CCHCR1: variants seen among roughly 807,000 people sequenced by gnomAD.
The protein encoded by CCHCR1 is coiled-coil alpha-helical rod protein 1.
A neutral mutation model predicts 114.6 loss-of-function variants in CCHCR1; 91 were observed. The ratio of observed to expected loss-of-function variants is 0.79; its 90% CI spans 0.67 to 0.94. The LOEUF is 0.94. Ranked by LOEUF, CCHCR1 falls within the 40% of genes least tolerant of loss-of-function variation. The pLI is 0.00. For synonymous variants in CCHCR1, 379 were observed against 428.5 expected, an observed-to-expected ratio of 0.88 and a Z score of 1.43; for missense variants, 899 against 1,079.9, an observed-to-expected ratio of 0.83 and a Z score of 2.35.
rs755269207 is a variant in CCHCR1, at chr6:31,144,688, G to A, written c.2166C>T (p.Ala722=). The A allele has an allele frequency of 2.5e-5, 40 of 1,599,542 alleles. No individual in the cohort carries two copies. The highest frequency in any genetic ancestry group is 1.7e-4 in the Middle Eastern group (1 of 6,010). The change falls in exon 15 of 18, where the codon GCC becomes GCT. Residue 722 remains alanine, a splice_region_variant and synonymous_variant. Transcript: ENST00000396268. The surrounding 1 kb of genome is among the most constrained non-coding windows in gnomAD (Gnocchi z 4.6). ...CCTATCCACCCTGGCAAGGCTCACC[G>A]GCCTTGGCATGCTCCCTCCGAGCCT... ...LNEARREHAK[A]VVSLRQIQRR... is the part of the protein sequence containing the mutation.
intron 8 of CCHCR1, chr6:31,149,461 A>G (rs1774886274): frequency 6.6e-6 from 1 of 152,046 alleles, no homozygotes; most frequent in Non-Finnish European, 1.5e-5. Context: ...TTTTTGAGAA[A>G]AGATCTCGCT....
intron 10 of CCHCR1, among the ~76,000 whole-genome samples, chr6:31,147,856 T>G (rs1774573621): frequency 6.6e-6 from 1 of 151,940 alleles, no homozygotes; most frequent in Admixed American, 6.6e-5. Flanking sequence ...GGAGGATGCC[T>G]GTAATCCAGC....
At chr6:31,149,815 C>A (rs928855656) in intron 8 of CCHCR1, 4 of 486,636 alleles carry the variant, frequency 8.2e-6, no homozygotes, top group Non-Finnish European at 1.1e-5. Flanking sequence ...CCAAAGTGAT[C>A]GCATTATAGG....
At position 31,145,725 on chromosome 6, in the gene CCHCR1, T is replaced by C. The variant is rs761381590; in HGVS notation, c.1664A>G (p.Tyr555Cys). 1.2e-5 allele frequency: 19 copies of C among 1,613,658 alleles called. No individual in the cohort carries two copies. Among genetic ancestry groups the C allele is most frequent in the African/African-American group, 2.7e-5 (2 of 74,922 alleles). Reference protein sequence around the residue: ...QLPSLNNRLSYAVRKVHTIRG... With the variant: ...QLPSLNNRLSCAVRKVHTIRG... ...AATGGTGTGGACCTTGCGGACAGCA[T>C]AGCTGAGTCGGTTGTTGAGGCTGGG... The change falls in exon 11 of 18, where the codon TAT (tyrosine) becomes TGT (cysteine). Residue 555 changes from tyrosine (Y) to cysteine (C), a missense_variant. Tyr to Cys is a radical substitution (Grantham distance 194). Transcript: ENST00000396268.
At position 31,144,298 on chromosome 6, in the gene CCHCR1, G is replaced by A. The variant is rs1265080; in HGVS notation, c.2167+389C>T. ...AGCCTCGACCTCCCGGGTTCATGTA[G>A]TCTTCCCACATCAGCCTCACAAGTA... On this transcript the variant is annotated intron_variant, in intron 15 of 17. Coordinates refer to ENST00000396268, the MANE Select transcript of CCHCR1 (RefSeq NM_001105564.2). This position sits in a 1 kb window ranked among gnomAD's most constrained non-coding sequence, Gnocchi z 4.6. 0.5 allele frequency among the ~76,000 whole-genome samples: 76,517 copies of A among 151,810 alleles called. 19,428 individuals are homozygous for A. Among genetic ancestry groups the A allele is most frequent in the Middle Eastern group, 0.59 (173 of 294 alleles).
chr6:31,148,754 G>C, intron 8 of CCHCR1, 26 bp from the exon 9 acceptor site: 1 of 1,391,422 alleles, frequency 7.2e-7, no homozygotes, highest in Non-Finnish European at 1.0e-6. Context: ...GAGCTAGGCA[G>C]GGCCCTCTAG....
chr6:31,153,908 G>T (rs1775624691), intron 4 of CCHCR1, among the ~76,000 whole-genome samples: 1 of 152,162 alleles, frequency 6.6e-6, no homozygotes, highest in Non-Finnish European at 1.5e-5. Flanking sequence ...ATGTCAACTG[G>T]TTACAGTGGC....
intron 4 of CCHCR1, among the ~76,000 whole-genome samples, chr6:31,153,201 T>A (rs539119438): frequency 6.6e-6 from 1 of 151,914 alleles, no homozygotes; most frequent in Admixed American, 6.6e-5. Flanking sequence ...CTTTAACTCC[T>A]GGCCTCAAGT....
At chr6:31,145,957 C>T (rs1444975513) in intron 10 of CCHCR1, 149 bp from the exon 11 acceptor site, 1 of 609,284 alleles carries the variant, frequency 1.6e-6, no homozygotes, top group Non-Finnish European at 2.9e-6. Flanking sequence ...GGACCCTTGC[C>T]CCAAGAATGC....
chr6:31,150,689 C>T lies in CCHCR1; in HGVS notation c.1101+36G>A, dbSNP rs778317290. 4.4e-6 allele frequency: 7 copies of T among 1,606,634 alleles called. No individual in the cohort carries two copies. The African/African-American group carries it at 5.3e-5, about 12-fold the overall frequency. On this transcript the variant is annotated intron_variant, in intron 6 of 17. Coordinates refer to ENST00000396268, the MANE Select transcript of CCHCR1 (RefSeq NM_001105564.2). This position sits in a 1 kb window ranked among gnomAD's most constrained non-coding sequence, Gnocchi z 5.3. The stretch of plus-strand genomic sequence containing the variant: ...CCACGCTTGCCTCCCAACCTGATCC[C>T]TAAGTCTGCACACAGATACATTCCT...
At chr6:31,153,628 G>C (rs1179091099) in intron 4 of CCHCR1, among the ~76,000 whole-genome samples, 1 of 152,010 alleles carries the variant, frequency 6.6e-6, no homozygotes, top group Non-Finnish European at 1.5e-5. Context: ...CGCCCAGGCT[G>C]GAGTGCAATG....
At position 31,151,415 on chromosome 6, in the gene CCHCR1, C is replaced by A. The variant is rs1775212140; in HGVS notation, c.802-293G>T. 1.3e-5 allele frequency among the ~76,000 whole-genome samples: 2 copies of A among 152,192 alleles called. No individual in the cohort carries two copies. Among genetic ancestry groups the A allele is most frequent in the African/African-American group, 4.8e-5 (2 of 41,460 alleles). Reference sequence around the variant, plus strand: ...CCATCTCCTAACTAGTCTTTACAAACCCTCAGTGGCTTCTCACAGCATTCA... The same window carrying A: ...CCATCTCCTAACTAGTCTTTACAAAACCTCAGTGGCTTCTCACAGCATTCA... On this transcript the variant is annotated intron_variant, in intron 4 of 17. Coordinates refer to ENST00000396268, the MANE Select transcript of CCHCR1 (RefSeq NM_001105564.2). This position sits in a 1 kb window ranked among gnomAD's most constrained non-coding sequence, Gnocchi z 4.1.
chr6:31,157,935 T>C (rs1776333263), upstream of CCHCR1: 1 of 351,496 alleles, frequency 2.8e-6, no homozygotes, highest in East Asian at 5.7e-5. Flanking sequence ...CATCTCTCAA[T>C]AGCCTGCCCT....
In CCHCR1 at chr6:31,145,234, C is replaced by A. The variant is rs748632015; in HGVS notation, c.1808G>T (p.Arg603Leu). The A allele has an allele frequency of 1.9e-6, 3 of 1,613,422 alleles. No individual in the cohort carries two copies. The highest frequency in any genetic ancestry group is 1.3e-5 in the African/African-American group (1 of 74,914). Residue 603 changes from arginine to leucine, a missense_variant, in exon 13 of 18, where the codon CGC (arginine) becomes CTC (leucine). Physicochemically the swap from Arg to Leu is moderately radical, Grantham distance 102 (BLOSUM62 -2). Coordinates refer to ENST00000396268, the MANE Select transcript of CCHCR1 (RefSeq NM_001105564.2). ...ELQQLREERN[R>L]LDAELQLSAR... ...ACTCAGCTGCAGTTCTGCATCCAGG[C>A]GGTTCCGTTCTTCCCGCAACTGCTG...
In CCHCR1 at chr6:31,143,836, G is replaced by A. The variant is rs530847644; in HGVS notation, c.2168-423C>T. 4.6e-5 allele frequency among the ~76,000 whole-genome samples: 7 copies of A among 152,298 alleles called. No homozygotes were observed. The highest frequency in any genetic ancestry group is 2.6e-4 in the Admixed American group (4 of 15,304). On this transcript the variant is annotated intron_variant, in intron 15 of 17. Transcript: ENST00000396268. This position sits in a 1 kb window ranked among gnomAD's most constrained non-coding sequence, Gnocchi z 5.3. Reference sequence around the variant, plus strand: ...AGCACTTTGGGATGCCAAGGCGGGCGGATCACGAGGTTAGGAGCTCGAGAC... The same window carrying A: ...AGCACTTTGGGATGCCAAGGCGGGCAGATCACGAGGTTAGGAGCTCGAGAC...
In CCHCR1 at chr6:31,157,064, T is replaced by TC; in HGVS notation, c.241_242insG (p.Asn81ArgfsTer7). The stretch of plus-strand genomic sequence containing the variant: ...CTCCACATTATTTGAAGGCTCTAGA[T>TC]TCTGTCTCCAGCCATCTATGTTCCC... On this transcript the variant is annotated frameshift_variant, in exon 2 of 18. Transcript: ENST00000396268. LOFTEE classifies it high-confidence loss of function. 1 of 1,612,168 alleles carries TC rather than the reference T, an allele frequency of 6.2e-7. No individual in the cohort carries two copies. Among genetic ancestry groups the TC allele is most frequent in the Non-Finnish European group, 8.5e-7 (1 of 1,179,566 alleles).
At chr6:31,147,562 A>G (rs1253707956) in intron 10 of CCHCR1, among the ~76,000 whole-genome samples, 1 of 152,198 alleles carries the variant, frequency 6.6e-6, no homozygotes, top group Non-Finnish European at 1.5e-5. Flanking sequence ...GGAAGTTGGT[A>G]GGAGAGACAA....
Position 31,142,947 on chromosome 6 carries a change from G to C in CCHCR1, c.2491+16C>G, listed in dbSNP as rs1308033850. On this transcript the variant is annotated intron_variant, in intron 17 of 17. Coordinates refer to ENST00000396268, the MANE Select transcript of CCHCR1 (RefSeq NM_001105564.2). ...GCGCGCATTTGTCCCTTGTCCCTTT[G>C]TGCTTGGCCCAAGACCTTTTATGGA... 1 of 1,609,744 alleles carries C rather than the reference G, an allele frequency of 6.2e-7. No individual in the cohort carries two copies. The highest frequency in any genetic ancestry group is 1.3e-5 in the African/African-American group (1 of 74,862).
chr6:31,146,864 C>T (rs1046462366), intron 10 of CCHCR1, among the ~76,000 whole-genome samples: 17 of 152,064 alleles, frequency 1.1e-4, no homozygotes, highest in African/African-American at 3.4e-4. Context: ...GGGGCACCCG[C>T]GATGGATTGA....
Sources: gnomAD v4.1 joint callset for allele counts (sites outside exome capture counted in the v4.1 genomes callset) on GRCh38, gnomAD v4.1.1 for gene constraint, Gnocchi (gnomAD v3.1) non-coding constraint, MANE v1.5 for transcripts, NCBI Gene and HGNC (gene_info 2026-07-23, HGNC 2026-07-21) for gene names.